The following UNC13C variants were observed in gnomAD, a reference collection of about 807,000 sequenced individuals.
UNC13C encodes protein unc-13 homolog C.
Under a neutral mutation model 245.4 loss-of-function variants are expected in UNC13C, and 174 were observed. The ratio of observed to expected loss-of-function variants is 0.71; its 90% confidence interval spans 0.63 to 0.80. The LOEUF (loss-of-function observed/expected upper bound fraction) is 0.80, where lower values mean the gene tolerates loss of function less well. Among genes scored for constraint, UNC13C ranks in the 30% least tolerant of loss-of-function variants. The probability of loss-of-function intolerance (pLI) is 0.00; values close to 1 mark genes in which losing one functional copy is unlikely to be tolerated. For missense variants in UNC13C, 2,829 were observed against 2,602.9 expected (o/e 1.09, Z -1.89); for synonymous variants, 992 against 895.1 (o/e 1.11, Z -1.93).
chr15:54,594,033 C>G (rs1898938207), intron 30 of UNC13C, among the ~76,000 whole-genome samples: 1 of 152,154 alleles, frequency 6.6e-6, no homozygotes. Context: ...TGATGTAGTA[C>G]TCTCCCCATT....
chr15:54,094,071 C>T (rs1449377593), intron 2 of UNC13C, among the ~76,000 whole-genome samples: 1 of 151,988 alleles, frequency 6.6e-6, no homozygotes, highest in African/African-American at 2.4e-5. Flanking sequence ...GGGCTACACT[C>T]ATCAATGACT....
At chr15:54,076,559 A>T (rs960743273) in intron 2 of UNC13C, among the ~76,000 whole-genome samples, 1 of 152,126 alleles carries the variant, frequency 6.6e-6, no homozygotes, top group Non-Finnish European at 1.5e-5. Context: ...TTATTTTTTA[A>T]AGTGTTTACA....
intron 2 of UNC13C, among the ~76,000 whole-genome samples, chr15:54,087,996 A>G (rs1275245315): frequency 2.0e-5 from 3 of 152,030 alleles, no homozygotes. Context: ...TTTTACTTAC[A>G]TTTGTCTGTT....
chr15:54,227,480 G>A (rs928170403), intron 4 of UNC13C, among the ~76,000 whole-genome samples: 4 of 152,188 alleles, frequency 2.6e-5, no homozygotes, highest in African/African-American at 2.4e-5. Context: ...AGCCCATGCT[G>A]AGCCACCTGC....
intron 19 of UNC13C, among the ~76,000 whole-genome samples, chr15:54,442,551 T>A (rs1166166298): frequency 6.6e-6 from 1 of 152,056 alleles, no homozygotes; most frequent in Non-Finnish European, 1.5e-5. Context: ...GCTTTCAGAC[T>A]TCCTCACCCA....
the UNC13C span, among the ~76,000 whole-genome samples, chr15:53,969,846 T>C: frequency 6.6e-6 from 1 of 152,172 alleles, no homozygotes; most frequent in African/African-American, 2.4e-5. Context: ...TGAAATTCTA[T>C]ACCCATTACC....
chr15:54,615,844 G>A (rs1900400015), intron 30 of UNC13C, among the ~76,000 whole-genome samples: 1 of 151,956 alleles, frequency 6.6e-6, no homozygotes, highest in Non-Finnish European at 1.5e-5. Context: ...AGACAAGCTA[G>A]TTTGTCAGTG....
In UNC13C at chr15:54,270,923, C is replaced by T. The variant is rs1232174036; in HGVS notation, c.3818+5427C>T. On this transcript the variant is annotated intron_variant, in intron 10 of 32. Coordinates refer to ENST00000260323, the MANE Select transcript of UNC13C (RefSeq NM_001080534.3). Reference sequence around the variant, plus strand: ...CTTGAAAAATTGCTGCAGACCTAAACAAGGCAAGCAATCACAAAACTGGTA... The same window carrying T: ...CTTGAAAAATTGCTGCAGACCTAAATAAGGCAAGCAATCACAAAACTGGTA... Among the ~76,000 whole-genome samples the T allele has an allele frequency of 3.3e-5, 5 of 152,024 alleles. No homozygotes were observed. The South Asian group carries it at 1.0e-3, about 32-fold the overall frequency.
chr15:54,220,230 A>C (rs185425027), intron 4 of UNC13C, among the ~76,000 whole-genome samples: 20,145 of 148,860 alleles, frequency 0.14, 1,618 homozygotes, highest in South Asian at 0.2. Flanking sequence ...GATTAAGAAA[A>C]TGTGGCACAT....
intron 25 of UNC13C, among the ~76,000 whole-genome samples, chr15:54,531,777 G>C (rs959424843): frequency 6.6e-6 from 1 of 151,798 alleles, no homozygotes; most frequent in Non-Finnish European, 1.5e-5. Flanking sequence ...TCTAACTTTA[G>C]AACACTGATA....
At chr15:54,231,003 T>C (rs556120294) in intron 4 of UNC13C, among the ~76,000 whole-genome samples, 68 of 152,184 alleles carry the variant, frequency 4.5e-4, no homozygotes, top group Middle Eastern at 3.4e-3. Context: ...ACTACTTCCA[T>C]CGATGTCTTC....
rs1025043520 is a variant in UNC13C, at chr15:54,054,786, C to T, written c.2983+38900C>T. Among the ~76,000 whole-genome samples, 6 of 151,764 alleles carry T rather than the reference C, an allele frequency of 4.0e-5. 1 individual carries two copies. In the Admixed American group the frequency reaches 4.0e-4, roughly 10 times the overall value. On this transcript the variant is annotated intron_variant, in intron 2 of 32. Transcript: ENST00000260323. Reference sequence around the variant, plus strand: ...AATGAGAGCCCAAATGACATTTTCACGAACATATTTATTTTTTGTTTTTAT... The same window carrying T: ...AATGAGAGCCCAAATGACATTTTCATGAACATATTTATTTTTTGTTTTTAT...
chr15:53,869,116 A>G, the UNC13C span, among the ~76,000 whole-genome samples: 1 of 152,196 alleles, frequency 6.6e-6, no homozygotes, highest in Non-Finnish European at 1.5e-5. Context: ...AAAAAAAGTC[A>G]TAAATACAGA....
intron 2 of UNC13C, among the ~76,000 whole-genome samples, chr15:54,083,644 C>T (rs1008409562): frequency 3.3e-5 from 5 of 152,148 alleles, no homozygotes; most frequent in African/African-American, 1.2e-4. Context: ...ATTGGTGATG[C>T]GCCTTCATTT....
the UNC13C span, among the ~76,000 whole-genome samples, chr15:53,847,485 C>A: frequency 6.6e-6 from 1 of 151,026 alleles, no homozygotes; most frequent in African/African-American, 2.4e-5. Flanking sequence ...GCCTCCCAAG[C>A]AGCTGGGATT....
intron 19 of UNC13C, among the ~76,000 whole-genome samples, chr15:54,427,256 G>A (rs1450273438): frequency 6.6e-6 from 1 of 151,760 alleles, no homozygotes; most frequent in African/African-American, 2.4e-5. Flanking sequence ...AATCATGGGG[G>A]CTGGTCTTTC....
chr15:54,004,073 C>T (rs371185915), intron 1 of UNC13C, among the ~76,000 whole-genome samples: 6 of 152,138 alleles, frequency 3.9e-5, no homozygotes, highest in African/African-American at 1.4e-4. Flanking sequence ...AGACTATAGT[C>T]GCCGTAGTGT....
chr15:54,046,966 G>A (rs879666158), intron 2 of UNC13C, among the ~76,000 whole-genome samples: 7 of 151,802 alleles, frequency 4.6e-5, no homozygotes, highest in Non-Finnish European at 7.4e-5. Context: ...CCCTTTATAC[G>A]CATGTAACAT....
the UNC13C span, among the ~76,000 whole-genome samples, chr15:53,906,984 C>CT: frequency 1.0e-5 from 1 of 98,720 alleles, no homozygotes; most frequent in African/African-American, 3.2e-5. Context: ...AATCCAACCA[C>CT]CCCCCTCTCT....
Sources: allele counts gnomAD v4.1 joint callset (sites outside exome capture counted in the v4.1 genomes callset), GRCh38; gene constraint gnomAD v4.1.1; transcripts MANE v1.5; gene names NCBI Gene and HGNC (gene_info 2026-07-23, HGNC 2026-07-21).